Variants in TG observed in about 807,000 individuals in gnomAD.
TG encodes thyroglobulin.
In TG, 270 loss-of-function variants were observed where a neutral mutation model predicts 324.7. That is an observed-to-expected ratio of 0.83 (90% confidence interval 0.75 to 0.92). The LOEUF is 0.92. TG is among the 40% of genes least tolerant of loss of function. The pLI is 0.00. For missense variants in TG, 3,591 were observed against 3,456.4 expected, an observed-to-expected ratio of 1.04 and a Z score of -0.98; for synonymous variants, 1,401 against 1,327.0, an observed-to-expected ratio of 1.06 and a Z score of -1.21.
intron 41 of TG, chr8:133,076,097 C>T (rs1375948095): frequency 6.6e-6 from 1 of 152,212 alleles, no homozygotes; most frequent in Non-Finnish European, 1.5e-5. Flanking sequence ...ATGCTGACCC[C>T]AAGATTGCCT....
chr8:132,914,449 T>C (rs1223084214), intron 20 of TG, among the ~76,000 whole-genome samples: 3 of 152,222 alleles, frequency 2.0e-5, no homozygotes, highest in African/African-American at 7.2e-5. Context: ...AAACTCCACG[T>C]TGGATTTAAG....
intron 18 of TG, 36 bp from the exon 19 acceptor site, chr8:132,911,341 T>C (rs979561620): frequency 1.2e-6 from 2 of 1,614,060 alleles, no homozygotes; most frequent in African/African-American, 1.3e-5. Flanking sequence ...CTTTCTACTC[T>C]GTGTTCTTGA....
chr8:132,898,980 G>A (rs1817540600), intron 14 of TG, 70 bp downstream of exon 14: 15 of 1,292,774 alleles, frequency 1.2e-5, no homozygotes, highest in Non-Finnish European at 1.5e-5. Context: ...TTTTCTTTTT[G>A]TTCAATACGT....
At chr8:133,030,150 G>A (rs1836492473) in intron 41 of TG, 127 bp downstream of exon 41, 11 of 1,195,050 alleles carry the variant, frequency 9.2e-6, no homozygotes, top group African/African-American at 1.5e-5. Flanking sequence ...CCTGAGTGTG[G>A]ATGCTGCTTG....
chr8:132,886,355 C>G, intron 8 of TG, 93 bp from the exon 9 acceptor site: 1 of 1,543,510 alleles, frequency 6.5e-7, no homozygotes, highest in Non-Finnish European at 8.9e-7. Context: ...ATTGAATGTT[C>G]TGGCTTCTTA....
Position 133,057,777 on chromosome 8 carries a change from A to AC in TG, c.7239+27754_7239+27755insC, listed in dbSNP as rs1841718119. Among the ~76,000 whole-genome samples the AC allele has an allele frequency of 2.6e-5, 4 of 151,080 alleles. No homozygotes were observed. The South Asian group carries it at 8.4e-4, about 32-fold the overall frequency. On this transcript the variant is annotated intron_variant, in intron 41 of 47. Transcript: ENST00000220616. Reference sequence around the variant, plus strand: ...CTTAGTTTAGCAAAACAAAAAACAAAAAAAAAAAAACAAAAAAACAGATGG... The same window carrying AC: ...CTTAGTTTAGCAAAACAAAAAACAAACAAAAAAAAAACAAAAAAACAGATGG...
chr8:132,867,089 C>T (rs1327634942), intron 1 of TG, 22 bp downstream of exon 1: 2 of 1,585,644 alleles, frequency 1.3e-6, no homozygotes, highest in Non-Finnish European at 1.7e-6. Flanking sequence ...GGCCATGGAG[C>T]CAGGCGGTGG....
Position 132,888,481 on chromosome 8 carries a change from C to A in TG, c.2674C>A (p.His892Asn). 6.2e-7 allele frequency: 1 copy of A among 1,610,418 alleles called. No individual in the cohort carries two copies. The highest frequency in any genetic ancestry group is 1.7e-5 in the Admixed American group (1 of 59,850). The change falls in exon 10 of 48, where the codon CAT becomes AAT. Residue 892 changes from histidine (H) to asparagine (N), a missense_variant. His to Asn is a moderately conservative substitution (Grantham distance 68, BLOSUM62 1). Transcript: ENST00000220616. ...SYSDFSTPLAHFDLRNCWCVD... is the reference protein window; with the variant it reads ...SYSDFSTPLANFDLRNCWCVD... ...CTCAGACTTCAGCACTCCTTTGGCACATTTTGATCTTCGGAACTGCTGGTG... is the reference window on the plus strand; with the variant it reads ...CTCAGACTTCAGCACTCCTTTGGCAAATTTTGATCTTCGGAACTGCTGGTG...
chr8:133,026,997 A>T (rs1490627666), intron 40 of TG, among the ~76,000 whole-genome samples: 1 of 152,218 alleles, frequency 6.6e-6, no homozygotes, highest in Non-Finnish European at 1.5e-5. Context: ...CGTTTTACAG[A>T]TGCAGAAAAT....
At chr8:133,037,637 T>A (rs952119325) in intron 41 of TG, 34 of 146,878 alleles carry the variant, frequency 2.3e-4, no homozygotes, top group Non-Finnish European at 4.5e-5. Context: ...GACTTACGCA[T>A]CTTTTTTTTT....
intron 16 of TG, 59 bp downstream of exon 16, chr8:132,901,612 C>G: frequency 6.4e-7 from 1 of 1,559,394 alleles, no homozygotes; most frequent in Admixed American, 1.8e-5. Context: ...TTGATCCAGA[C>G]TGGGTGAAGT....
At chr8:133,016,069 T>C (rs1834998654) in intron 37 of TG, among the ~76,000 whole-genome samples, 1 of 152,194 alleles carries the variant, frequency 6.6e-6, no homozygotes, top group Non-Finnish European at 1.5e-5. Flanking sequence ...GGTGTTATTA[T>C]TTATTCCTGT....
At chr8:132,953,834 A>G (rs765571908) in intron 27 of TG, among the ~76,000 whole-genome samples, 1 of 152,218 alleles carries the variant, frequency 6.6e-6, no homozygotes, top group Non-Finnish European at 1.5e-5. Context: ...AGTGCATTCA[A>G]CTATTTGCTG....
intron 43 of TG, chr8:133,102,318 T>G: frequency 2.1e-6 from 1 of 469,876 alleles, no homozygotes. Flanking sequence ...CACAAACACA[T>G]GCAGTGCAGC....
intron 32 of TG, among the ~76,000 whole-genome samples, chr8:132,971,010 T>A (rs1277549084): frequency 6.6e-6 from 1 of 152,000 alleles, no homozygotes; most frequent in Non-Finnish European, 1.5e-5. Flanking sequence ...CGAGGCAGGA[T>A]CCCCTCACCA....
chr8:132,897,866 C>A, intron 12 of TG, 80 bp downstream of exon 12: 1 of 1,546,810 alleles, frequency 6.5e-7, no homozygotes, highest in Non-Finnish European at 8.9e-7. Flanking sequence ...CACTGGGAGG[C>A]AAGTGAGCTG....
intron 41 of TG, among the ~76,000 whole-genome samples, chr8:133,062,715 G>A (rs755159097): frequency 2.7e-5 from 4 of 148,822 alleles, no homozygotes; most frequent in Non-Finnish European, 3.0e-5. Context: ...ACAGGGTGTC[G>A]TACACAGGCC....
chr8:133,026,442 G>A (rs1351086984), intron 40 of TG, among the ~76,000 whole-genome samples: 1 of 152,208 alleles, frequency 6.6e-6, no homozygotes, highest in Non-Finnish European at 1.5e-5. Context: ...AGCAGTTGCT[G>A]GGTGAAGGGA....
At chr8:133,084,685 C>A (rs953348573) in intron 41 of TG, among the ~76,000 whole-genome samples, 7 of 152,230 alleles carry the variant, frequency 4.6e-5, no homozygotes, top group Admixed American at 1.3e-4. Context: ...ACTAAAGAGA[C>A]AAAGCCAAGG....
Sources: gnomAD v4.1 joint callset for allele counts (sites outside exome capture counted in the v4.1 genomes callset) on GRCh38, gnomAD v4.1.1 for gene constraint, MANE v1.5 for transcripts, NCBI Gene and HGNC (gene_info 2026-07-23, HGNC 2026-07-21) for gene names.